Variants in ESR2 observed in about 807,000 individuals in gnomAD.
The protein encoded by ESR2 is estrogen receptor 2.
Under a neutral mutation model 49.6 loss-of-function variants are expected in ESR2, and 36 were observed. That is an observed-to-expected ratio of 0.73 (90% confidence interval 0.56 to 0.96). The LOEUF (loss-of-function observed/expected upper bound fraction) is 0.96, where lower values mean the gene tolerates loss of function less well. Ranked by LOEUF, ESR2 falls within the 40% of genes least tolerant of loss-of-function variation. The probability of loss-of-function intolerance (pLI) is 0.00; values close to 1 mark genes in which losing one functional copy is unlikely to be tolerated. For missense variants in ESR2, 714 were observed against 693.0 expected (o/e 1.03, Z -0.34); for synonymous variants, 320 against 266.1 (o/e 1.20, Z -1.97).
intron 7 of ESR2, among the ~76,000 whole-genome samples, chr14:64,246,585 G>C (rs1259957864): frequency 6.6e-6 from 1 of 151,494 alleles, no homozygotes; most frequent in African/African-American, 2.4e-5. Context: ...AAATTAGCCA[G>C]GCATGGTGGC....
chr14:64,329,537 C>T (rs1240280013), intron 1 of ESR2: 1 of 151,980 alleles, frequency 6.6e-6, no homozygotes, highest in African/African-American at 2.4e-5. Flanking sequence ...AATCTCAGCA[C>T]TTTGGGAGGC....
At chr14:64,246,751 A>AAAAAAAAAAAAAC in intron 7 of ESR2, among the ~76,000 whole-genome samples, 1 of 145,860 alleles carries the variant, frequency 6.9e-6, no homozygotes, top group African/African-American at 2.7e-5. Flanking sequence ...AAAAAAAAAA[A>AAAAAAAAAAAAAC]AAAAAAAAAA....
intron 5 of ESR2, among the ~76,000 whole-genome samples, chr14:64,257,854 CTGAT>C (rs1349279484): frequency 1.3e-5 from 2 of 152,176 alleles, no homozygotes; most frequent in African/African-American, 4.8e-5. Flanking sequence ...AAGGATTTCT[CTGAT>C]TGATTAAAAT....
In ESR2 at chr14:64,230,476, G is replaced by A. The variant is rs1369211965; in HGVS notation, c.*2661C>T. ...GATAGTTGCCCTTCCAGCTGAGTTA[G>A]CAGGGGGAGTATTCCAGACCAAGAC... On this transcript the variant is annotated 3_prime_UTR_variant, in exon 9 of 9. Transcript: ENST00000341099. Among the ~76,000 whole-genome samples, 5 of 152,066 alleles carry A rather than the reference G, an allele frequency of 3.3e-5. No homozygotes were observed.
intron 1 of ESR2, among the ~76,000 whole-genome samples, chr14:64,333,584 TG>T (rs2077490162): frequency 6.6e-6 from 1 of 152,218 alleles, no homozygotes; most frequent in Admixed American, 6.5e-5. Context: ...TCCACATGGC[TG>T]GGGAGGCCTC....
downstream of ESR2, chr14:64,227,664 G>T: frequency 6.2e-7 from 1 of 1,613,292 alleles, no homozygotes. Context: ...AGGAAGTGTG[G>T]TCTGCATTTC....
intron 1 of ESR2, among the ~76,000 whole-genome samples, chr14:64,293,400 G>A (rs1344945518): frequency 6.6e-6 from 1 of 152,198 alleles, no homozygotes; most frequent in African/African-American, 2.4e-5. Context: ...TTTAAACAGC[G>A]AGTAAAATTA....
upstream of ESR2, among the ~76,000 whole-genome samples, chr14:64,294,885 G>A (rs1018931945): frequency 6.6e-6 from 1 of 152,230 alleles, no homozygotes; most frequent in African/African-American, 2.4e-5. Flanking sequence ...CACTGGGAAG[G>A]CCTTTCGCGT....
chr14:64,294,986 A>G (rs2076936533), upstream of ESR2, among the ~76,000 whole-genome samples: 1 of 152,160 alleles, frequency 6.6e-6, no homozygotes, highest in African/African-American at 2.4e-5. Context: ...TCTCCGCTGG[A>G]GGCACCTGCC....
At chr14:64,333,796 A>G (rs1009714086) in intron 1 of ESR2, among the ~76,000 whole-genome samples, 1 of 152,226 alleles carries the variant, frequency 6.6e-6, no homozygotes, top group South Asian at 2.1e-4. Flanking sequence ...TATGGGAGCT[A>G]CAATTCAAGA....
intron 1 of ESR2, among the ~76,000 whole-genome samples, chr14:64,334,311 G>C (rs891449382): frequency 5.3e-5 from 8 of 152,186 alleles, no homozygotes; most frequent in African/African-American, 1.9e-4. Context: ...GGCCTCTTTT[G>C]AGACACTGAT....
upstream of ESR2, among the ~76,000 whole-genome samples, chr14:64,295,919 C>T (rs2076950686): frequency 2.0e-5 from 3 of 151,890 alleles, no homozygotes; most frequent in Admixed American, 1.3e-4. Flanking sequence ...TGGCACATGC[C>T]AGTAATCCCA....
At chr14:64,236,127 G>A (rs933406888) in intron 7 of ESR2, among the ~76,000 whole-genome samples, 1 of 152,106 alleles carries the variant, frequency 6.6e-6, no homozygotes, top group Non-Finnish European at 1.5e-5. Flanking sequence ...TATTTTTATT[G>A]GCACTTTCAG....
downstream of ESR2, chr14:64,227,431 CTTTAA>C: frequency 1.5e-6 from 2 of 1,364,180 alleles, no homozygotes; most frequent in South Asian, 2.6e-5. Flanking sequence ...TTAACTCTTT[CTTTAA>C]AATTATTTTT....
chr14:64,268,361 C>T (rs1190929561), intron 4 of ESR2, among the ~76,000 whole-genome samples: 1 of 152,202 alleles, frequency 6.6e-6, no homozygotes, highest in Non-Finnish European at 1.5e-5. Flanking sequence ...CCCATGGCTA[C>T]CCCAGTAACC....
intron 8 of ESR2, chr14:64,234,659 G>A (rs980760931): frequency 6.1e-6 from 3 of 490,650 alleles, no homozygotes; most frequent in Non-Finnish European, 1.1e-5. Flanking sequence ...GTAAACAGGG[G>A]TGGCAGTTCG....
intron 7 of ESR2, among the ~76,000 whole-genome samples, chr14:64,240,261 G>A (rs1567732921): frequency 2.0e-5 from 3 of 151,444 alleles, no homozygotes; most frequent in South Asian, 2.1e-4. Context: ...GGAGACCATC[G>A]TCAGACAGCC....
intron 1 of ESR2, among the ~76,000 whole-genome samples, chr14:64,292,426 G>A (rs2076887802): frequency 6.6e-6 from 1 of 152,156 alleles, no homozygotes; most frequent in Admixed American, 6.5e-5. Flanking sequence ...AGAATTCATA[G>A]AGGTACATTT....
At chr14:64,295,944 T>A (rs994070036), upstream of ESR2, among the ~76,000 whole-genome samples, 2 of 148,510 alleles carry the variant, frequency 1.3e-5, no homozygotes, top group African/African-American at 2.5e-5. Context: ...CTCAGGAGGC[T>A]GAGGCAGGAG....
Sources: allele counts gnomAD v4.1 joint callset (sites outside exome capture counted in the v4.1 genomes callset), GRCh38; gene constraint gnomAD v4.1.1; transcripts MANE v1.5; gene names NCBI Gene and HGNC (gene_info 2026-07-23, HGNC 2026-07-21).